Variants in TNRC6A observed in about 807,000 individuals in gnomAD.
TNRC6A encodes the protein trinucleotide repeat containing adaptor 6A, also known as trinucleotide repeat-containing gene 6A protein.
A neutral mutation model predicts 221.2 loss-of-function variants in TNRC6A; 44 were observed. The ratio of observed to expected loss-of-function variants is 0.20; its 90% confidence interval spans 0.16 to 0.26. TNRC6A has a LOEUF of 0.26. Ranked by LOEUF, TNRC6A falls within the 10% of genes least tolerant of loss-of-function variation. The pLI is 1.00. For synonymous variants in TNRC6A, 847 were observed against 838.5 expected, an observed-to-expected ratio of 1.01 and a Z score of -0.18; for missense variants, 2,199 against 2,404.4, an observed-to-expected ratio of 0.91 and a Z score of 1.79.
chr16:24,742,366 A>G (rs1404841568), intron 2 of TNRC6A, among the ~76,000 whole-genome samples: 1 of 152,224 alleles, frequency 6.6e-6, no homozygotes, highest in Non-Finnish European at 1.5e-5. Flanking sequence ...ACTGCATGCT[A>G]TGCTGCCTAG....
chr16:24,769,107 CTG>C (rs1326871463), intron 4 of TNRC6A, among the ~76,000 whole-genome samples: 1 of 152,000 alleles, frequency 6.6e-6, no homozygotes, highest in African/African-American at 2.4e-5. Flanking sequence ...GTTATATTGT[CTG>C]TTCTTGGGTT....
chr16:24,776,709 C>T (rs532844839), intron 4 of TNRC6A: 2 of 985,380 alleles, frequency 2.0e-6, no homozygotes, highest in South Asian at 4.7e-5. Context: ...GGCCGAAGGT[C>T]CCTGGGCCCT....
rs150575539 is a variant in TNRC6A at position 24,667,564 on chromosome 16, C to T, written n.402+26555C>T. Among the ~76,000 whole-genome samples, 352 of 152,244 alleles carry T rather than the reference C, an allele frequency of 2.3e-3. 1 individual carries two copies. Among genetic ancestry groups the T allele is most frequent in the African/African-American group, 8.3e-3 (346 of 41,546 alleles). On this transcript the variant is annotated intron_variant and non_coding_transcript_variant, in intron 2 of 2. Coordinates refer to the TNRC6A transcript ENST00000566108. ...GTGACAGACAGGGAGGGGAGGAGAA[C>T]TGTGGTCAATCTACCACATCTGGGA... is the stretch of plus-strand genomic sequence containing the variant.
chr16:24,694,981 T>G (rs1222295554), intron 2 of TNRC6A, among the ~76,000 whole-genome samples: 1 of 152,164 alleles, frequency 6.6e-6, no homozygotes, highest in Non-Finnish European at 1.5e-5. Context: ...TGCCCTCTGA[T>G]GGCTGAGCTG....
chr16:24,771,022 G>A (rs2057579020), intron 4 of TNRC6A, among the ~76,000 whole-genome samples: 1 of 152,184 alleles, frequency 6.6e-6, no homozygotes, highest in South Asian at 2.1e-4. Flanking sequence ...CAACAAATTG[G>A]ATGCAGGCGC....
chr16:24,760,328 GGA>G (rs1218359447), intron 4 of TNRC6A, among the ~76,000 whole-genome samples: 1 of 152,012 alleles, frequency 6.6e-6, no homozygotes, highest in Non-Finnish European at 1.5e-5. Flanking sequence ...ACTGATCCTT[GGA>G]TATTTGTTTC....
Position 24,788,693 on chromosome 16 carries a change from G to C in TNRC6A, c.590-539G>C, listed in dbSNP as rs146471179. On this transcript the variant is annotated intron_variant, in intron 5 of 24. Transcript: ENST00000395799. ...AGACGGAGTCTCGCTCTGTCACCCA[G>C]GCTGGAGTGCAGTGGCACTATCTCC... 8.5e-3 allele frequency among the ~76,000 whole-genome samples: 1,264 copies of C among 149,354 alleles called. 20 individuals carry two copies. The highest frequency in any genetic ancestry group is 0.029 in the African/African-American group (1,198 of 40,642).
chr16:24,806,730 C>T lies in TNRC6A; in HGVS notation c.4486C>T (p.Pro1496Ser). Residue 1496 changes from proline to serine, a missense_variant, in exon 17 of 25, where the codon CCT becomes TCT. Coordinates refer to ENST00000395799, the MANE Select transcript of TNRC6A (RefSeq NM_014494.4). Reference sequence around the variant, plus strand: ...TGACAATGTCATGCCCCACACTACACCTGAGCTGCAAAAAGGGCCATCACC... The same window carrying T: ...TGACAATGTCATGCCCCACACTACATCTGAGCTGCAAAAAGGGCCATCACC... The part of the protein sequence containing the change: ...FLDNVMPHTT[P>S]ELQKGPSPIN... 7 of 1,614,152 alleles carry T rather than the reference C, an allele frequency of 4.3e-6. No individual in the cohort carries two copies. The South Asian group carries it at 4.4e-5, about 10-fold the overall frequency.
intron 1 of TNRC6A, among the ~76,000 whole-genome samples, chr16:24,628,402 G>A (rs7191974): frequency 0.57 from 86,254 of 151,610 alleles, 26,782 homozygotes; most frequent in African/African-American, 0.83. Context: ...CCTGGGTGAA[G>A]GAGTGAGACT....
chr16:24,806,512 T>C (rs2058435262), intron 16 of TNRC6A, 62 bp from the exon 17 acceptor site: 1 of 1,577,096 alleles, frequency 6.3e-7, no homozygotes, highest in South Asian at 1.1e-5. Context: ...GAGAGGAATA[T>C]GTAGTTTTCT....
chr16:24,755,314 G>A (rs1258761354), intron 3 of TNRC6A, among the ~76,000 whole-genome samples: 1 of 152,158 alleles, frequency 6.6e-6, no homozygotes, highest in Non-Finnish European at 1.5e-5. Flanking sequence ...AAAAAGAAAA[G>A]CAAGACCTGG....
intron 20 of TNRC6A, among the ~76,000 whole-genome samples, chr16:24,818,000 G>A (rs1054951151): frequency 2.0e-5 from 3 of 152,212 alleles, no homozygotes; most frequent in African/African-American, 7.2e-5. Flanking sequence ...GCTGTGGTGA[G>A]CAGAGTGGAT....
At position 24,790,818 on chromosome 16, in the gene TNRC6A, A is replaced by G; in HGVS notation, c.2176A>G (p.Thr726Ala). ...CCTGTCCAACTCTGGTTGGGGACAG[A>G]CTCCTATTAAGCAGAATACTGCCTG... ...RVLSNSGWGQTPIKQNTAWDT... is the reference protein window; with the variant it reads ...RVLSNSGWGQAPIKQNTAWDT... The change falls in exon 6 of 25, where the codon ACT (threonine) becomes GCT (alanine). Residue 726 changes from threonine to alanine, a missense_variant. This residue lies in a region of TNRC6A where 1,405 missense variants were observed against 1,400.2 expected (regional missense o/e 1.00). Transcript: ENST00000395799. 6.2e-7 allele frequency: 1 copy of G among 1,614,098 alleles called. No individual in the cohort carries two copies. The highest frequency in any genetic ancestry group is 8.5e-7 in the Non-Finnish European group (1 of 1,180,030).
intron 2 of TNRC6A, among the ~76,000 whole-genome samples, chr16:24,702,675 G>A (rs951252301): frequency 6.6e-6 from 1 of 152,086 alleles, no homozygotes; most frequent in Admixed American, 6.6e-5. Flanking sequence ...GTTCGAGGCT[G>A]CAGTGAGCTG....
At position 24,692,704 on chromosome 16, in the gene TNRC6A, C is replaced by A. The variant is rs879589676; in HGVS notation, n.402+51695C>A. Among the ~76,000 whole-genome samples, 4 of 151,760 alleles carry A rather than the reference C, an allele frequency of 2.6e-5. No individual in the cohort carries two copies. In the East Asian group the frequency reaches 5.8e-4, roughly 22 times the overall value. ...TTCCCACCTAGGCAACAGAGCAAGA[C>A]CCTGTCTTAAAAAAAAATTATATAT... On this transcript the variant is annotated intron_variant and non_coding_transcript_variant, in intron 2 of 2. Transcript: ENST00000566108.
chr16:24,807,605 G>C (rs2058461286), intron 17 of TNRC6A, among the ~76,000 whole-genome samples: 1 of 152,012 alleles, frequency 6.6e-6, no homozygotes, highest in Non-Finnish European at 1.5e-5. Flanking sequence ...AGGTAAGAAA[G>C]GAGATTGCCT....
rs149744620 is a variant in TNRC6A at position 24,618,008 on chromosome 16, G to A, written n.276+7524G>A. 6.7e-3 allele frequency among the ~76,000 whole-genome samples: 1,026 copies of A among 152,150 alleles called. 10 individuals carry two copies. Among genetic ancestry groups the A allele is most frequent in the Non-Finnish European group, 0.011 (734 of 68,008 alleles). The stretch of plus-strand genomic sequence containing the variant: ...TGCCTCCCAGGTCCAAGCGATTCTC[G>A]TGCCTCAGCCATCTTAGTAGCTGGA... On this transcript the variant is annotated intron_variant and non_coding_transcript_variant, in intron 1 of 2. Transcript: ENST00000566108.
intron 2 of TNRC6A, among the ~76,000 whole-genome samples, chr16:24,705,460 T>C (rs969965760): frequency 2.6e-5 from 4 of 152,160 alleles, no homozygotes; most frequent in Non-Finnish European, 5.9e-5. Context: ...GCCTCCCAAG[T>C]AGCTGGGATT....
chr16:24,651,184 CAAAAAA>C (rs551269541), intron 2 of TNRC6A, among the ~76,000 whole-genome samples: 1 of 111,908 alleles, frequency 8.9e-6, no homozygotes, highest in Admixed American at 9.8e-5. Flanking sequence ...CTGGGTATGG[CAAAAAA>C]AAAAAAAAAA....
Sources: allele counts gnomAD v4.1 joint callset (sites outside exome capture counted in the v4.1 genomes callset), GRCh38; gene constraint gnomAD v4.1.1; regional missense constraint gnomAD v4.1.1; transcripts MANE v1.5; gene names NCBI Gene and HGNC (gene_info 2026-07-23, HGNC 2026-07-21).